The following CPB2 variants were observed in gnomAD, a reference collection of about 807,000 sequenced individuals.
The protein encoded by CPB2 is carboxypeptidase B2, also known as carboxypeptidase B-like protein.
Under a neutral mutation model 57.0 loss-of-function variants are expected in CPB2, and 54 were observed. That is an observed-to-expected ratio of 0.95 (90% CI 0.76 to 1.19). The LOEUF is 1.19. Ranked by LOEUF, CPB2 falls within the 50% of genes most tolerant of loss-of-function variation. The probability of loss-of-function intolerance (pLI) is 0.00; values close to 1 mark genes in which losing one functional copy is unlikely to be tolerated. For synonymous variants in CPB2, 189 were observed against 178.1 expected (o/e 1.06, Z -0.49); for missense variants, 426 against 512.0 (o/e 0.83, Z 1.62).
chr13:46,081,018 G>A (rs952294252), intron 4 of CPB2, among the ~76,000 whole-genome samples: 12 of 147,422 alleles, frequency 8.1e-5, no homozygotes, highest in African/African-American at 2.7e-4. Flanking sequence ...GAGGAAGAAC[G>A]CTGTGAGATG....
intron 10 of CPB2, among the ~76,000 whole-genome samples, chr13:46,054,616 T>A (rs779991768): frequency 1.4e-4 from 22 of 152,134 alleles, no homozygotes; most frequent in Admixed American, 2.6e-4. Context: ...TGACCCAAAA[T>A]TTTAATTTAT....
chr13:46,057,471 G>A (rs1236047254), intron 9 of CPB2, among the ~76,000 whole-genome samples: 1 of 152,162 alleles, frequency 6.6e-6, no homozygotes, highest in Non-Finnish European at 1.5e-5. Flanking sequence ...CAAGAATGGG[G>A]CTGTTGATGT....
intron 1 of CPB2, among the ~76,000 whole-genome samples, chr13:46,094,623 GCA>G (rs1566418030): frequency 1.3e-5 from 2 of 152,150 alleles, no homozygotes; most frequent in African/African-American, 4.8e-5. Flanking sequence ...AACAAGTTGG[GCA>G]CAGTTATTAC....
intron 6 of CPB2, among the ~76,000 whole-genome samples, chr13:46,068,125 G>T (rs1389191129): frequency 6.6e-6 from 1 of 152,112 alleles, no homozygotes; most frequent in Non-Finnish European, 1.5e-5. Context: ...TGGTCAAATC[G>T]TTTCATCTAG....
At chr13:46,055,173 C>G (rs2044680740) in intron 10 of CPB2, among the ~76,000 whole-genome samples, 1 of 152,044 alleles carries the variant, frequency 6.6e-6, no homozygotes, top group Admixed American at 6.5e-5. Flanking sequence ...TTTCCCATCT[C>G]CCTTCAAACT....
intron 1 of CPB2, among the ~76,000 whole-genome samples, chr13:46,090,222 T>A (rs1023373447): frequency 2.0e-5 from 3 of 152,118 alleles, no homozygotes; most frequent in Admixed American, 2.0e-4. Context: ...AAAAATCAGC[T>A]TGTTATGTTT....
intron 6 of CPB2, among the ~76,000 whole-genome samples, chr13:46,069,078 AC>A (rs2044899009): frequency 6.6e-6 from 1 of 152,332 alleles, no homozygotes; most frequent in East Asian, 1.9e-4. Context: ...TTTCTGCTTC[AC>A]TTTTTAAATT....
intron 5 of CPB2, among the ~76,000 whole-genome samples, chr13:46,075,757 T>C (rs1273482552): frequency 1.3e-5 from 2 of 152,238 alleles, no homozygotes; most frequent in African/African-American, 4.8e-5. Context: ...ATAAATTATA[T>C]GTTACTAAAT....
chr13:46,082,000 A>G (rs898107990), intron 4 of CPB2, among the ~76,000 whole-genome samples: 4 of 152,390 alleles, frequency 2.6e-5, no homozygotes, highest in Admixed American at 2.6e-4. Context: ...CTTCTAAGGA[A>G]TAAAATGCAA....
chr13:46,071,684 G>A (rs748177738), intron 6 of CPB2, among the ~76,000 whole-genome samples: 1 of 152,210 alleles, frequency 6.6e-6, no homozygotes, highest in Non-Finnish European at 1.5e-5. Context: ...TTTCTGAGAA[G>A]AGAAGGATCA....
intron 5 of CPB2, among the ~76,000 whole-genome samples, chr13:46,077,576 A>G (rs2045042228): frequency 6.6e-6 from 1 of 152,228 alleles, no homozygotes; most frequent in Non-Finnish European, 1.5e-5. Context: ...ATTATTGGGT[A>G]TGTATCCAAA....
chr13:46,080,971 CAAAAAAAAAAA>C (rs11412601), intron 4 of CPB2, among the ~76,000 whole-genome samples: 2 of 98,652 alleles, frequency 2.0e-5, no homozygotes, highest in Non-Finnish European at 3.9e-5. Context: ...AACTCTGTCT[CAAAAAAAAAAA>C]AAAAAAAAGG....
At chr13:46,086,441 C>A (rs2146883) in intron 2 of CPB2, among the ~76,000 whole-genome samples, 116,745 of 151,986 alleles carry the variant, frequency 0.77, 44,991 homozygotes, top group African/African-American at 0.81. Flanking sequence ...GATGAGTGTT[C>A]GTTCTCAGCA....
chr13:46,073,845 A>G, intron 6 of CPB2, 28 bp downstream of exon 6: 1 of 1,421,422 alleles, frequency 7.0e-7, no homozygotes, highest in Non-Finnish European at 9.6e-7. Flanking sequence ...ATTTTGAGAA[A>G]TAGGGTTAAG....
At chr13:46,086,625 A>T (rs2045210057) in intron 2 of CPB2, among the ~76,000 whole-genome samples, 1 of 152,162 alleles carries the variant, frequency 6.6e-6, no homozygotes, top group Non-Finnish European at 1.5e-5. Flanking sequence ...GTCAGTTCCC[A>T]CTGCGGTCCA....
At chr13:46,101,621 A>G (rs1259913377) in intron 1 of CPB2, among the ~76,000 whole-genome samples, 1 of 152,248 alleles carries the variant, frequency 6.6e-6, no homozygotes, top group Non-Finnish European at 1.5e-5. Flanking sequence ...ATACGATTAT[A>G]GCACTTACAC....
At chr13:46,081,492 T>C (rs1355219273) in intron 4 of CPB2, among the ~76,000 whole-genome samples, 1 of 151,418 alleles carries the variant, frequency 6.6e-6, no homozygotes, top group Non-Finnish European at 1.5e-5. Flanking sequence ...AAAGGGGGGG[T>C]GCAATTTTAA....
intron 9 of CPB2, among the ~76,000 whole-genome samples, 200 bp downstream of exon 9, chr13:46,057,979 T>C (rs2044719519): frequency 6.6e-6 from 1 of 152,106 alleles, no homozygotes; most frequent in Admixed American, 6.6e-5. Context: ...ATAAAGTGTG[T>C]GTTGTTAGGG....
intron 1 of CPB2, among the ~76,000 whole-genome samples, chr13:46,101,715 CA>C (rs3837565): frequency 0.59 from 89,774 of 151,892 alleles, 27,816 homozygotes; most frequent in East Asian, 0.81. Context: ...GGTCACTTTA[CA>C]AAAAAAAGTA....
Sources: gnomAD v4.1 joint callset for allele counts (sites outside exome capture counted in the v4.1 genomes callset) on GRCh38, gnomAD v4.1.1 for gene constraint, MANE v1.5 for transcripts, NCBI Gene and HGNC (gene_info 2026-07-23, HGNC 2026-07-21) for gene names.